The following ZNF544 variants were observed in gnomAD, a reference collection of about 807,000 sequenced individuals.
ZNF544 encodes zinc finger protein 544.
A neutral mutation model predicts 13.5 loss-of-function variants in ZNF544; 10 were observed. The ratio of observed to expected loss-of-function variants is 0.74; its 90% CI spans 0.46 to 1.25. The LOEUF is 1.25. ZNF544 is among the 50% of genes most tolerant of loss of function. The pLI is 0.00. For missense variants in ZNF544, 896 were observed against 845.6 expected (o/e 1.06, Z -0.74); for synonymous variants, 323 against 300.5 (o/e 1.07, Z -0.77).
In ZNF544 at chr19:58,246,789, C is replaced by A; in HGVS notation, c.239C>A (p.Pro80His). 1 of 1,613,968 alleles carries A rather than the reference C, an allele frequency of 6.2e-7. No homozygotes were observed. Among genetic ancestry groups the A allele is most frequent in the Non-Finnish European group, 8.5e-7 (1 of 1,179,886 alleles). The change falls in exon 6 of 7, where the codon CCC becomes CAC. Residue 80 changes from proline (P) to histidine (H), a missense_variant. Pro to His is a moderately conservative substitution (Grantham distance 77, BLOSUM62 -2). Coordinates refer to ENST00000687789, the MANE Select transcript of ZNF544 (RefSeq NM_014480.4). ...EDLCRAEQEA[P>H]RDWKATLEEN... Reference sequence around the variant, plus strand: ...CTGTGCAGGGCAGAGCAGGAGGCCCCCCGAGGTAAGAGCAGACCTTGTGGT... The same window carrying A: ...CTGTGCAGGGCAGAGCAGGAGGCCCACCGAGGTAAGAGCAGACCTTGTGGT...
chr19:58,232,651 C>T (rs184098033), intron 3 of ZNF544, among the ~76,000 whole-genome samples: 5 of 151,428 alleles, frequency 3.3e-5, no homozygotes, highest in African/African-American at 9.7e-5. Context: ...ATATCCGGGC[C>T]GGGCGCGGTG....
intron 5 of ZNF544, among the ~76,000 whole-genome samples, chr19:58,273,639 G>A (rs1405607841): frequency 2.0e-5 from 3 of 149,006 alleles, no homozygotes; most frequent in Admixed American, 6.7e-5. Context: ...GCAGTGGGCC[G>A]AGATCGTGTC....
intron 5 of ZNF544, among the ~76,000 whole-genome samples, chr19:58,271,762 A>G (rs955638680): frequency 7.9e-5 from 12 of 152,192 alleles, no homozygotes; most frequent in African/African-American, 2.9e-4. Context: ...GAGAGAAGCA[A>G]TGGTACATGA....
chr19:58,277,058 G>A lies in ZNF544; in HGVS notation c.352-125G>A, dbSNP rs537199748. On this transcript the variant is annotated intron_variant, in intron 6 of 6. Coordinates refer to the ZNF544 transcript ENST00000595981. ...CTTAAAGTATCAGTCTGATTATGTGGCATTTAGCCTAAGTGACTCTGTCTT... is the reference window on the plus strand; with the variant it reads ...CTTAAAGTATCAGTCTGATTATGTGACATTTAGCCTAAGTGACTCTGTCTT... 10 of 511,986 alleles carry A rather than the reference G, an allele frequency of 2.0e-5. No homozygotes were observed. In the South Asian group the frequency reaches 8.4e-4, roughly 43 times the overall value. The allele number at this position is 511,986 out of a possible 1,614,324, so 31.7% of individuals were successfully genotyped here. A position where few individuals can be genotyped will look rare whatever the true frequency, so the allele number is the denominator to read the frequency against.
intron 3 of ZNF544, among the ~76,000 whole-genome samples, chr19:58,230,699 C>T (rs946545593): frequency 6.6e-6 from 1 of 152,012 alleles, no homozygotes; most frequent in Non-Finnish European, 1.5e-5. Context: ...AGTGAGAGAG[C>T]AGAGCAGGAT....
At chr19:58,255,448 A>C (rs1600341179) in intron 6 of ZNF544, among the ~76,000 whole-genome samples, 1 of 151,678 alleles carries the variant, frequency 6.6e-6, no homozygotes, top group Admixed American at 6.6e-5. Context: ...CAAAGTGCAG[A>C]GATTACAGGT....
chr19:58,263,077 C>T lies in ZNF544; in HGVS notation c.*323C>T. ...AGAGAATTCATACTGGAGAGAAGCC[C>T]TGTGAATGTTAACAAATGTGGAAAA... On this transcript the variant is annotated 3_prime_UTR_variant, in exon 7 of 7. Transcript: ENST00000687789. The T allele has an allele frequency of 9.2e-7, 1 of 1,081,556 alleles. No homozygotes were observed. Among genetic ancestry groups the T allele is most frequent in the Non-Finnish European group, 1.1e-6 (1 of 889,072 alleles). 67.0% of individuals were successfully genotyped at this position (1,081,556 alleles called of 1,614,324 possible). A position where few individuals can be genotyped will look rare whatever the true frequency, so the allele number is the denominator to read the frequency against.
Position 58,263,196 on chromosome 19 carries a change from A to G in ZNF544, c.*442A>G. On this transcript the variant is annotated 3_prime_UTR_variant, in exon 7 of 7. Coordinates refer to ENST00000687789, the MANE Select transcript of ZNF544 (RefSeq NM_014480.4). ...CAAGATGGAGCCGGGTGCAGTTGCC[A>G]ACACTTGTAATCCCAGCAGTTTGCG... 1 of 995,878 alleles carries G rather than the reference A, an allele frequency of 1.0e-6. No individual in the cohort carries two copies. Among genetic ancestry groups the G allele is most frequent in the Non-Finnish European group, 1.2e-6 (1 of 835,544 alleles). 61.7% of individuals were successfully genotyped at this position (995,878 alleles called of 1,614,324 possible). A position where few individuals can be genotyped will look rare whatever the true frequency, so the allele number is the denominator to read the frequency against.
intron 3 of ZNF544, among the ~76,000 whole-genome samples, chr19:58,243,467 A>G (rs567422383): frequency 7.4e-5 from 10 of 135,264 alleles, no homozygotes; most frequent in African/African-American, 2.5e-4. Context: ...GGTGACAGGC[A>G]TGCCCTGGCA....
At chr19:58,249,368 G>T (rs2045928284) in intron 6 of ZNF544, among the ~76,000 whole-genome samples, 1 of 152,190 alleles carries the variant, frequency 6.6e-6, no homozygotes, top group Non-Finnish European at 1.5e-5. Context: ...GTGGAGACAG[G>T]ATAGCTTCTT....
chr19:58,246,490 G>T, intron 5 of ZNF544, 63 bp downstream of exon 5: 1 of 1,600,256 alleles, frequency 6.2e-7, no homozygotes, highest in South Asian at 1.1e-5. Context: ...ACCAAGTTCT[G>T]AAGGGTGTTC....
In ZNF544 at chr19:58,255,441, A is replaced by C. The variant is rs555870335; in HGVS notation, c.245-5410A>C. On this transcript the variant is annotated intron_variant, in intron 6 of 6. Coordinates refer to ENST00000687789, the MANE Select transcript of ZNF544 (RefSeq NM_014480.4). The stretch of plus-strand genomic sequence containing the variant: ...TGATCCACCCGCCTTGGCCTCCCAA[A>C]GTGCAGAGATTACAGGTGTGAGCCA... Among the ~76,000 whole-genome samples, 85 of 152,162 alleles carry C rather than the reference A, an allele frequency of 5.6e-4. 1 individual carries two copies. Among genetic ancestry groups the C allele is most frequent in the Admixed American group, 1.2e-3 (18 of 15,284 alleles).
At chr19:58,244,253 A>G (rs924865863) in intron 4 of ZNF544, among the ~76,000 whole-genome samples, 197 bp downstream of exon 4, 1 of 151,902 alleles carries the variant, frequency 6.6e-6, no homozygotes, top group Non-Finnish European at 1.5e-5. Flanking sequence ...AGCTCCCTGC[A>G]CTAGACCCAG....
chr19:58,276,754 T>C (rs960839357), intron 6 of ZNF544, among the ~76,000 whole-genome samples: 4 of 152,204 alleles, frequency 2.6e-5, no homozygotes, highest in Admixed American at 2.0e-4. Flanking sequence ...CTCACAGGCG[T>C]GAGCCACCAC....
chr19:58,275,102 C>T (rs866661855), intron 5 of ZNF544, among the ~76,000 whole-genome samples: 1 of 152,056 alleles, frequency 6.6e-6, no homozygotes, highest in South Asian at 2.1e-4. Flanking sequence ...CCCTCCTTTT[C>T]CAGATACCGA....
At chr19:58,232,901 C>T (rs1361256969) in intron 3 of ZNF544, among the ~76,000 whole-genome samples, 2 of 135,630 alleles carry the variant, frequency 1.5e-5, no homozygotes, top group African/African-American at 5.5e-5. Context: ...GAGCCGAGAT[C>T]GTGCCACTGC....
At position 58,234,360 on chromosome 19, in the gene ZNF544, C is replaced by G. The variant is rs544612111; in HGVS notation, c.-60+3898C>G. ...TTGTGGGCCTAGAACTGTTGTCTTT[C>G]CTTGATCCCATGCTGACTGCACTTC... is the stretch of plus-strand genomic sequence containing the variant. On this transcript the variant is annotated intron_variant, in intron 3 of 6. Coordinates refer to ENST00000687789, the MANE Select transcript of ZNF544 (RefSeq NM_014480.4). Among the ~76,000 whole-genome samples, 9 of 152,300 alleles carry G rather than the reference C, an allele frequency of 5.9e-5. No homozygotes were observed. The South Asian group carries it at 1.7e-3, about 28-fold the overall frequency.
chr19:58,270,663 G>A lies in ZNF544; in HGVS notation c.245-5660G>A, dbSNP rs148424825. 7.3e-3 allele frequency among the ~76,000 whole-genome samples: 1,107 copies of A among 152,228 alleles called. 6 individuals carry two copies. The highest frequency in any genetic ancestry group is 0.012 in the Non-Finnish European group (839 of 68,008). On this transcript the variant is annotated intron_variant, in intron 5 of 6. Transcript: ENST00000595981. ...GTGACCTGACAACTTCATAGTGGCC[G>A]TAGGGTAGGGCACTGTTGTCATTAT...
downstream of ZNF544, among the ~76,000 whole-genome samples, chr19:58,265,921 G>C (rs1280855840): frequency 6.6e-6 from 1 of 151,944 alleles, no homozygotes; most frequent in Non-Finnish European, 1.5e-5. Context: ...GAGCCAATGG[G>C]AGGGTGAGCA....
Sources: gnomAD v4.1 joint callset for allele counts (sites outside exome capture counted in the v4.1 genomes callset) on GRCh38, gnomAD v4.1.1 for gene constraint, MANE v1.5 for transcripts, NCBI Gene and HGNC (gene_info 2026-07-23, HGNC 2026-07-21) for gene names.